Variants in NPFFR1 observed in about 807,000 individuals in gnomAD.
The protein encoded by NPFFR1 is G-protein coupled receptor 147.
A neutral mutation model predicts 12.7 loss-of-function variants in NPFFR1; 17 were observed. The ratio of observed to expected loss-of-function variants is 1.34; its 90% CI spans 0.92 to 2.01. The LOEUF (loss-of-function observed/expected upper bound fraction) is 2.01. NPFFR1 is among the 30% of genes most tolerant of loss of function. NPFFR1 has a pLI of 0.00. For synonymous variants in NPFFR1, 296 were observed against 264.5 expected (o/e 1.12, Z -1.16); for missense variants, 604 against 606.5 (o/e 1.00, Z 0.04).
At chr10:70,263,596 T>C (rs149545716) in intron 2 of NPFFR1, among the ~76,000 whole-genome samples, 1 of 152,020 alleles carries the variant, frequency 6.6e-6, no homozygotes, top group Non-Finnish European at 1.5e-5. Context: ...TTTCTGAGAA[T>C]GCATACAAAA....
intron 1 of NPFFR1, among the ~76,000 whole-genome samples, chr10:70,268,786 T>C (rs905606766): frequency 6.6e-6 from 1 of 152,212 alleles, no homozygotes; most frequent in Non-Finnish European, 1.5e-5. Context: ...TCTGTCACAT[T>C]TTATTGGCCC....
Position 70,250,387 on chromosome 10 carries a change from G to A in NPFFR1, c.*4570C>T, listed in dbSNP as rs983678850. On this transcript the variant is annotated 3_prime_UTR_variant, in exon 4 of 4. Transcript: ENST00000277942. ...ATGCAACCTACCAATCTCGATCCTAGGTATCTACCCAAGAAAAATGGAAAA... is the reference window on the plus strand; with the variant it reads ...ATGCAACCTACCAATCTCGATCCTAAGTATCTACCCAAGAAAAATGGAAAA... 1 of 152,054 alleles carries A rather than the reference G, an allele frequency of 6.6e-6. No individual in the cohort carries two copies. The highest frequency in any genetic ancestry group is 2.4e-5 in the African/African-American group (1 of 41,364). 9.4% of individuals were successfully genotyped at this position (152,054 alleles called of 1,614,324 possible). A position where few individuals can be genotyped will look rare whatever the true frequency, so the allele number is the denominator to read the frequency against.
intron 3 of NPFFR1, among the ~76,000 whole-genome samples, chr10:70,258,921 C>A (rs367843557): frequency 6.6e-6 from 1 of 152,166 alleles, no homozygotes; most frequent in Non-Finnish European, 1.5e-5. Flanking sequence ...ATAGCCTGAC[C>A]TTTTACCTCT....
chr10:70,274,930 G>C (rs1271988539), intron 1 of NPFFR1, among the ~76,000 whole-genome samples: 1 of 152,196 alleles, frequency 6.6e-6, no homozygotes, highest in Non-Finnish European at 1.5e-5. Context: ...GTAAAAAGTG[G>C]ATGTGGCAGA....
In NPFFR1 at chr10:70,283,808, C is replaced by G. The variant is rs1564599234; in HGVS notation, c.-132G>C. ...GCCCCTGCCTCCGCGCTCCGCAGGTCCGGTCGGTCCGGGCAGAGGTGAGCA... is the reference window on the plus strand; with the variant it reads ...GCCCCTGCCTCCGCGCTCCGCAGGTGCGGTCGGTCCGGGCAGAGGTGAGCA... On this transcript the variant is annotated 5_prime_UTR_variant, in exon 1 of 4. Transcript: ENST00000277942. 8.0e-6 allele frequency: 8 copies of G among 1,000,910 alleles called. 1 individual carries two copies. The highest frequency in any genetic ancestry group is 6.1e-5 in the South Asian group (4 of 65,826). The allele number at this position is 1,000,910 out of a possible 1,614,324, so 62.0% of individuals were successfully genotyped here. A position where few individuals can be genotyped will look rare whatever the true frequency, so the allele number is the denominator to read the frequency against.
At chr10:70,260,898 A>G (rs936002116) in intron 2 of NPFFR1, among the ~76,000 whole-genome samples, 159 bp from the exon 3 acceptor site, 1 of 151,896 alleles carries the variant, frequency 6.6e-6, no homozygotes, top group Non-Finnish European at 1.5e-5. Flanking sequence ...GAAATGAGGA[A>G]CCAACCAGCC....
In NPFFR1 at chr10:70,255,405, G is replaced by T. The variant is rs747719201; in HGVS notation, c.845C>A (p.Ser282Tyr). ...LVMVALFFTL[S>Y]WLPLWALLLL... is the part of the protein sequence containing the mutation. The stretch of plus-strand genomic sequence containing the variant: ...CAGCAGCGCCCAGAGCGGCAGCCAG[G>T]ACAGCGTGAAGAACAGCGCCACCAT... The change falls in exon 4 of 4, where the codon TCC becomes TAC. Residue 282 changes from serine (S) to tyrosine (Y), a missense_variant. Transcript: ENST00000277942. This position sits in a 1 kb window ranked among gnomAD's most constrained non-coding sequence, Gnocchi z 4.2. 2 of 1,546,584 alleles carry T rather than the reference G, an allele frequency of 1.3e-6. No homozygotes were observed. The highest frequency in any genetic ancestry group is 1.7e-4 in the Middle Eastern group (1 of 5,992).
chr10:70,272,143 G>GAA, intron 1 of NPFFR1, among the ~76,000 whole-genome samples: 1 of 45,124 alleles, frequency 2.2e-5, no homozygotes, highest in Admixed American at 2.3e-4. Flanking sequence ...GAAATAAAGA[G>GAA]AAAGGGAGAG....
At chr10:70,264,780 C>T (rs139679561) in intron 2 of NPFFR1, among the ~76,000 whole-genome samples, 11 of 152,206 alleles carry the variant, frequency 7.2e-5, no homozygotes, top group Non-Finnish European at 1.0e-4. Context: ...AGGACAGGGG[C>T]GGAAGGGAGA....
intron 1 of NPFFR1, among the ~76,000 whole-genome samples, chr10:70,267,298 C>G (rs1243640416): frequency 1.3e-5 from 2 of 152,190 alleles, no homozygotes; most frequent in Non-Finnish European, 2.9e-5. Flanking sequence ...CTCCTCCCAT[C>G]CCATGATCAG....
intron 1 of NPFFR1, among the ~76,000 whole-genome samples, chr10:70,271,745 C>T (rs868652879): frequency 3.3e-5 from 5 of 151,884 alleles, no homozygotes; most frequent in Non-Finnish European, 4.4e-5. Flanking sequence ...GCAGCAGCAG[C>T]GGGGCTGATA....
Position 70,250,290 on chromosome 10 carries a change from G to T in NPFFR1, c.*4667C>A, listed in dbSNP as rs1347444374. Reference sequence around the variant, plus strand: ...TGGAACATTCATACACTGCTGATGGGAGTACAAAATGGTAGAGCGACTTTG... The same window carrying T: ...TGGAACATTCATACACTGCTGATGGTAGTACAAAATGGTAGAGCGACTTTG... On this transcript the variant is annotated 3_prime_UTR_variant, in exon 4 of 4. Coordinates refer to ENST00000277942, the MANE Select transcript of NPFFR1 (RefSeq NM_022146.5). 1 of 152,182 alleles carries T rather than the reference G, an allele frequency of 6.6e-6. No homozygotes were observed. Among genetic ancestry groups the T allele is most frequent in the Non-Finnish European group, 1.5e-5 (1 of 68,058 alleles). 9.4% of individuals were successfully genotyped at this position (152,182 alleles called of 1,614,324 possible).
intron 3 of NPFFR1, among the ~76,000 whole-genome samples, chr10:70,257,726 CT>C: frequency 6.6e-6 from 1 of 152,332 alleles, no homozygotes; most frequent in South Asian, 2.1e-4. Flanking sequence ...CTGCCTGCCC[CT>C]GGGAACTGAA....
chr10:70,272,251 G>GAAAGA (rs11447906), intron 1 of NPFFR1, among the ~76,000 whole-genome samples: 17 of 45,500 alleles, frequency 3.7e-4, no homozygotes, highest in East Asian at 1.1e-3. Flanking sequence ...AAAGAAGAAA[G>GAAAGA]AAGAAAGAAA....
At chr10:70,276,795 CA>C (rs1432189334) in intron 1 of NPFFR1, among the ~76,000 whole-genome samples, 1 of 152,090 alleles carries the variant, frequency 6.6e-6, no homozygotes, top group East Asian at 1.9e-4. Context: ...CCATGTTGGC[CA>C]GGCTGGTCTC....
At chr10:70,271,167 C>A (rs1156976154) in intron 1 of NPFFR1, among the ~76,000 whole-genome samples, 1 of 152,164 alleles carries the variant, frequency 6.6e-6, no homozygotes, top group Non-Finnish European at 1.5e-5. Flanking sequence ...GAAGTCCCAG[C>A]CCTTCTTCCT....
intron 1 of NPFFR1, among the ~76,000 whole-genome samples, chr10:70,278,170 C>T (rs978134979): frequency 6.6e-6 from 1 of 152,106 alleles, no homozygotes; most frequent in African/African-American, 2.4e-5. Context: ...CCCAATTCTG[C>T]TCCCAGGAGC....
chr10:70,259,415 G>A (rs991987878), intron 3 of NPFFR1, among the ~76,000 whole-genome samples: 4 of 152,194 alleles, frequency 2.6e-5, no homozygotes, highest in African/African-American at 4.8e-5. Flanking sequence ...GGGGTAATCT[G>A]GGCAGGCTTC....
intron 3 of NPFFR1, 144 bp downstream of exon 3, chr10:70,260,496 C>A (rs554809760): frequency 1.4e-6 from 1 of 728,758 alleles, no homozygotes; most frequent in Non-Finnish European, 2.4e-6. Context: ...GGGCCCAGGG[C>A]CCTTCTCCTT....
Sources: gnomAD v4.1 joint callset for allele counts (sites outside exome capture counted in the v4.1 genomes callset) on GRCh38, gnomAD v4.1.1 for gene constraint, Gnocchi (gnomAD v3.1) non-coding constraint, MANE v1.5 for transcripts, NCBI Gene and HGNC (gene_info 2026-07-23, HGNC 2026-07-21) for gene names.